The following DEPTOR variants were observed in gnomAD, a reference collection of about 807,000 sequenced individuals.
DEPTOR encodes the protein DEP domain containing MTOR interacting protein, also known as DEP domain-containing mTOR-interacting protein.
A neutral mutation model predicts 41.6 loss-of-function variants in DEPTOR; 41 were observed. The observed-to-expected ratio is 0.98, with a 90% CI of 0.77 to 1.28. The LOEUF (loss-of-function observed/expected upper bound fraction) is 1.28. Among genes scored for constraint, DEPTOR ranks in the 50% most tolerant of loss-of-function variants. The probability of loss-of-function intolerance (pLI) is 0.00; values close to 1 mark genes in which losing one functional copy is unlikely to be tolerated. For missense variants in DEPTOR, 514 were observed against 527.9 expected (o/e 0.97, Z 0.26); for synonymous variants, 195 against 192.3 (o/e 1.01, Z -0.12).
At chr8:119,961,925 T>C (rs772211794) in intron 3 of DEPTOR, among the ~76,000 whole-genome samples, 1 of 151,896 alleles carries the variant, frequency 6.6e-6, no homozygotes, top group South Asian at 2.1e-4. Context: ...TGACATTTTA[T>C]ATGGTTCAAT....
At chr8:119,956,269 T>C (rs946961867) in intron 3 of DEPTOR, among the ~76,000 whole-genome samples, 2 of 152,214 alleles carry the variant, frequency 1.3e-5, no homozygotes, top group African/African-American at 4.8e-5. Context: ...ACGAAAGGCG[T>C]GGTCTTCAAA....
chr8:120,010,649 T>C (rs994383810), intron 8 of DEPTOR, among the ~76,000 whole-genome samples: 7 of 151,058 alleles, frequency 4.6e-5, no homozygotes, highest in Non-Finnish European at 8.9e-5. Flanking sequence ...AAAACACACA[T>C]ATACAGTCAA....
At chr8:119,969,485 G>A (rs911436953) in intron 4 of DEPTOR, among the ~76,000 whole-genome samples, 7 of 151,742 alleles carry the variant, frequency 4.6e-5, no homozygotes, top group Non-Finnish European at 1.0e-4. Context: ...CTCCCGAGTA[G>A]CTGGGATTAC....
intron 8 of DEPTOR, among the ~76,000 whole-genome samples, chr8:120,041,269 T>C (rs1217234536): frequency 1.3e-5 from 2 of 152,328 alleles, no homozygotes; most frequent in Middle Eastern, 3.4e-3. Context: ...AATTGAATCA[T>C]TGTGATGGGA....
At chr8:119,896,635 G>A (rs1827523666) in intron 1 of DEPTOR, among the ~76,000 whole-genome samples, 1 of 152,066 alleles carries the variant, frequency 6.6e-6, no homozygotes. Context: ...GAGTAGCTGG[G>A]ATTACAGGCA....
intron 4 of DEPTOR, among the ~76,000 whole-genome samples, chr8:119,990,340 G>A (rs1041698463): frequency 6.6e-6 from 1 of 151,976 alleles, no homozygotes; most frequent in Non-Finnish European, 1.5e-5. Flanking sequence ...TGTATTTTTA[G>A]TAGAGACGGG....
At chr8:120,039,166 A>G (rs995157080) in intron 8 of DEPTOR, among the ~76,000 whole-genome samples, 2 of 152,188 alleles carry the variant, frequency 1.3e-5, no homozygotes, top group Non-Finnish European at 1.5e-5. Context: ...GCCCTTATGA[A>G]AGTGGCTGGA....
rs34125548 is a variant in DEPTOR, at chr8:120,022,157, T to TAAAAAAAAAA, written c.1101+13036_1101+13045dup. Among the ~76,000 whole-genome samples the TAAAAAAAAAA allele has an allele frequency of 2.1e-4, 20 of 93,732 alleles. 1 individual carries two copies. Among genetic ancestry groups the TAAAAAAAAAA allele is most frequent in the South Asian group, 5.5e-4 (1 of 1,816 alleles). 61.5% of individuals were successfully genotyped at this position (93,732 alleles called of 152,430 possible). ...TGGGTGACAGAGCGAGACCCCATCT[T>TAAAAAAAAAA]AAAAAAAAAAAAAAAAAAAAAGATG... is the stretch of plus-strand genomic sequence containing the variant. On this transcript the variant is annotated intron_variant, in intron 8 of 8. Transcript: ENST00000286234.
intron 7 of DEPTOR, 69 bp from the exon 8 acceptor site, chr8:120,008,960 C>G (rs1812489824): frequency 3.4e-6 from 5 of 1,480,068 alleles, no homozygotes; most frequent in South Asian, 1.2e-5. Context: ...CTGGTTTTCT[C>G]TCCCTCAGAA....
At chr8:119,959,287 T>C (rs1828459121) in intron 3 of DEPTOR, among the ~76,000 whole-genome samples, 1 of 142,824 alleles carries the variant, frequency 7.0e-6, no homozygotes, top group African/African-American at 2.6e-5. Flanking sequence ...CTCAGCCTCC[T>C]CAGCAGATGG....
intron 8 of DEPTOR, among the ~76,000 whole-genome samples, chr8:120,021,895 A>G (rs1359814897): frequency 1.3e-5 from 2 of 151,954 alleles, no homozygotes; most frequent in Non-Finnish European, 1.5e-5. Context: ...CTTTAATTGC[A>G]ACTCTTACGG....
At chr8:119,892,963 A>G (rs1287597212) in intron 1 of DEPTOR, among the ~76,000 whole-genome samples, 2 of 152,090 alleles carry the variant, frequency 1.3e-5, no homozygotes, top group Admixed American at 1.3e-4. Flanking sequence ...TTGTATTTTT[A>G]GTAGAGACGG....
At chr8:120,012,777 C>T (rs898470381) in intron 8 of DEPTOR, among the ~76,000 whole-genome samples, 3 of 152,084 alleles carry the variant, frequency 2.0e-5, no homozygotes, top group African/African-American at 2.4e-5. Flanking sequence ...CCTCGTGATC[C>T]GCCTGCCTCG....
At chr8:119,881,307 A>G (rs1374591667) in intron 1 of DEPTOR, among the ~76,000 whole-genome samples, 1 of 152,154 alleles carries the variant, frequency 6.6e-6, no homozygotes, top group African/African-American at 2.4e-5. Context: ...AGATCACTTG[A>G]GGTCAGAAGT....
At chr8:119,952,107 A>G (rs7823697) in intron 3 of DEPTOR, among the ~76,000 whole-genome samples, 113,917 of 151,862 alleles carry the variant, frequency 0.75, 42,821 homozygotes, top group Middle Eastern at 0.86. Context: ...CTGCCCTCCA[A>G]CCTGGGCGAC....
chr8:120,037,137 C>T (rs1812990069), intron 8 of DEPTOR, among the ~76,000 whole-genome samples: 1 of 152,108 alleles, frequency 6.6e-6, no homozygotes, highest in Non-Finnish European at 1.5e-5. Flanking sequence ...TCATCTTGGC[C>T]ATTTTGGGGA....
chr8:119,991,030 TTTTCTTTCTTTC>T (rs747315642), intron 4 of DEPTOR, among the ~76,000 whole-genome samples: 86 of 53,688 alleles, frequency 1.6e-3, no homozygotes, highest in South Asian at 3.9e-3. Flanking sequence ...TCGGGTTTTC[TTTTCTTTCTTTC>T]TTTCTTTCTT....
At chr8:120,035,274 G>A (rs1812962959) in intron 8 of DEPTOR, among the ~76,000 whole-genome samples, 3 of 151,930 alleles carry the variant, frequency 2.0e-5, no homozygotes, top group African/African-American at 7.3e-5. Flanking sequence ...GAGCGGAGAT[G>A]GCACCACTAC....
At chr8:119,890,946 C>T (rs567587124) in intron 1 of DEPTOR, among the ~76,000 whole-genome samples, 1 of 152,232 alleles carries the variant, frequency 6.6e-6, no homozygotes, top group South Asian at 2.1e-4. Flanking sequence ...GAGGAAAAGA[C>T]ATATGCATTT....
Sources: gnomAD v4.1 joint callset for allele counts (sites outside exome capture counted in the v4.1 genomes callset) on GRCh38, gnomAD v4.1.1 for gene constraint, MANE v1.5 for transcripts, NCBI Gene and HGNC (gene_info 2026-07-23, HGNC 2026-07-21) for gene names.